DCDC2C: variants seen among roughly 807,000 people sequenced by gnomAD.
DCDC2C encodes the protein doublecortin domain-containing protein 2C.
A neutral mutation model predicts 45.0 loss-of-function variants in DCDC2C; 44 were observed. That is an observed-to-expected ratio of 0.98 (90% CI 0.77 to 1.26). The LOEUF is 1.26. Among genes scored for constraint, DCDC2C ranks in the 50% most tolerant of loss-of-function variants. The pLI, the probability that DCDC2C is intolerant of heterozygous loss-of-function variation, is 0.00. For missense variants in DCDC2C, 447 were observed against 468.9 expected (o/e 0.95, Z 0.43); for synonymous variants, 187 against 178.8 (o/e 1.05, Z -0.37).
rs1671609968 is a variant in DCDC2C, at chr2:3,818,582, A to G, written c.1066-28572A>G. On this transcript the variant is annotated intron_variant, in intron 10 of 10. Coordinates refer to ENST00000399143, the MANE Select transcript of DCDC2C (RefSeq NM_001287444.2). The surrounding 1 kb of genome is among the most constrained non-coding windows in gnomAD (Gnocchi z 4.7). ...TAAGAAGAGTTTATATAGGCTTTAA[A>G]AGGCCATGCTGTTAATAGGCGAGTG... 6.6e-6 allele frequency among the ~76,000 whole-genome samples: 1 copy of G among 152,170 alleles called. No homozygotes were observed. Among genetic ancestry groups the G allele is most frequent in the Non-Finnish European group, 1.5e-5 (1 of 68,034 alleles).
chr2:3,747,406 T>G (rs1198789612), intron 4 of DCDC2C, among the ~76,000 whole-genome samples: 1 of 152,150 alleles, frequency 6.6e-6, no homozygotes, highest in African/African-American at 2.4e-5. Context: ...CTATCCTGAT[T>G]AGGAAAGAGA....
At chr2:3,808,167 G>T (rs1671301732) in intron 10 of DCDC2C, among the ~76,000 whole-genome samples, 1 of 152,136 alleles carries the variant, frequency 6.6e-6, no homozygotes, top group Admixed American at 6.5e-5. Context: ...GGAAGTTTCA[G>T]GTGATCTGCA....
chr2:3,728,378 A>C (rs1345463356), intron 3 of DCDC2C, among the ~76,000 whole-genome samples: 1 of 152,224 alleles, frequency 6.6e-6, no homozygotes, highest in Non-Finnish European at 1.5e-5. Context: ...TGAAATAATA[A>C]GACACAGTAT....
chr2:3,713,083 C>A (rs907444403), intron 2 of DCDC2C, among the ~76,000 whole-genome samples: 2 of 152,214 alleles, frequency 1.3e-5, no homozygotes, highest in Non-Finnish European at 2.9e-5. Flanking sequence ...AGAGCTTGGA[C>A]TAAAATCAAG....
intron 10 of DCDC2C, among the ~76,000 whole-genome samples, chr2:3,788,841 C>A: frequency 8.3e-6 from 1 of 121,008 alleles, no homozygotes; most frequent in South Asian, 3.3e-4. Context: ...CCTTCCCCAA[C>A]CCTCCCTCTC....
rs577124230 is a variant in DCDC2C, at chr2:3,714,053, T to C, written c.339+5453T>C. ...TTAGCCTTAGTTTATGATACAGTAA[T>C]ACAGAGCAGAAAGACCTAGCTTCTG... is the stretch of plus-strand genomic sequence containing the variant. On this transcript the variant is annotated intron_variant, in intron 2 of 10. Coordinates refer to ENST00000399143, the MANE Select transcript of DCDC2C (RefSeq NM_001287444.2). Among the ~76,000 whole-genome samples, 3 of 152,196 alleles carry C rather than the reference T, an allele frequency of 2.0e-5. No homozygotes were observed. In the South Asian group the frequency reaches 6.2e-4, roughly 32 times the overall value.
intron 10 of DCDC2C, among the ~76,000 whole-genome samples, chr2:3,803,374 C>T (rs1009757860): frequency 2.6e-5 from 4 of 152,148 alleles, no homozygotes; most frequent in Non-Finnish European, 5.9e-5. Context: ...TCCATCTTGG[C>T]TCCAGTCCCA....
intron 2 of DCDC2C, among the ~76,000 whole-genome samples, chr2:3,724,498 C>T (rs534860674): frequency 5.9e-4 from 90 of 152,304 alleles, no homozygotes; most frequent in Middle Eastern, 6.8e-3. Context: ...AAACACAGTT[C>T]TGTTAATGAG....
intron 8 of DCDC2C, among the ~76,000 whole-genome samples, chr2:3,772,527 C>T (rs1384054453): frequency 6.6e-6 from 1 of 152,088 alleles, no homozygotes; most frequent in Non-Finnish European, 1.5e-5. Flanking sequence ...CAGAGGAGGA[C>T]AAAATGGAGC....
At position 3,734,104 on chromosome 2, in the gene DCDC2C, C is replaced by T. The variant is rs1297884641; in HGVS notation, c.416+7025C>T. ...ATTTGACTGGGCTACCGGCTGCTGTCGTAAATCCCCCATTTCCGTGGCACA... is the reference window on the plus strand; with the variant it reads ...ATTTGACTGGGCTACCGGCTGCTGTTGTAAATCCCCCATTTCCGTGGCACA... On this transcript the variant is annotated intron_variant, in intron 3 of 10. Coordinates refer to ENST00000399143, the MANE Select transcript of DCDC2C (RefSeq NM_001287444.2). This position sits in a 1 kb window ranked among gnomAD's most constrained non-coding sequence, Gnocchi z 4.2. Among the ~76,000 whole-genome samples, 2 of 152,210 alleles carry T rather than the reference C, an allele frequency of 1.3e-5. No individual in the cohort carries two copies. Among genetic ancestry groups the T allele is most frequent in the African/African-American group, 4.8e-5 (2 of 41,450 alleles).
chr2:3,752,699 TA>T, intron 4 of DCDC2C, 63 bp from the exon 5 acceptor site: 1 of 1,529,218 alleles, frequency 6.5e-7, no homozygotes, highest in Non-Finnish European at 8.9e-7. Flanking sequence ...TATGCACAAA[TA>T]CCCCAAGCCC....
intron 10 of DCDC2C, among the ~76,000 whole-genome samples, chr2:3,810,564 G>A (rs1671370104): frequency 6.6e-6 from 1 of 152,024 alleles, no homozygotes; most frequent in African/African-American, 2.4e-5. Flanking sequence ...TATTTCTTTT[G>A]CTGTGCAGAA....
At chr2:3,826,608 C>T (rs902677089) in intron 10 of DCDC2C, among the ~76,000 whole-genome samples, 5 of 152,150 alleles carry the variant, frequency 3.3e-5, no homozygotes, top group South Asian at 2.1e-4. Flanking sequence ...GATCTTGAAG[C>T]GTGCTAGCTG....
intron 4 of DCDC2C, among the ~76,000 whole-genome samples, chr2:3,747,721 CA>C (rs1427323643): frequency 1.3e-5 from 2 of 152,174 alleles, no homozygotes; most frequent in Non-Finnish European, 2.9e-5. Context: ...ATCAATTCAA[CA>C]AATATTTATT....
intron 10 of DCDC2C, among the ~76,000 whole-genome samples, chr2:3,795,231 A>C (rs1281651875): frequency 1.3e-5 from 2 of 151,778 alleles, no homozygotes; most frequent in Non-Finnish European, 2.9e-5. Context: ...TTTCTTGTAA[A>C]TTTGTTTTGA....
intron 1 of DCDC2C, among the ~76,000 whole-genome samples, chr2:3,706,902 G>T (rs1668077561): frequency 6.6e-6 from 1 of 152,216 alleles, no homozygotes; most frequent in Non-Finnish European, 1.5e-5. Flanking sequence ...CCAAGACTTG[G>T]TTTCCTCATC....
At chr2:3,813,038 CGTATATATATAT>C (rs1221100839) in intron 10 of DCDC2C, among the ~76,000 whole-genome samples, 46 of 29,972 alleles carry the variant, frequency 1.5e-3, no homozygotes, top group African/African-American at 3.4e-3. Flanking sequence ...CTGAGAAGAA[CGTATATATATAT>C]ATATATATAT....
intron 6 of DCDC2C, among the ~76,000 whole-genome samples, chr2:3,763,309 C>T (rs1669932910): frequency 1.3e-5 from 2 of 152,204 alleles, no homozygotes; most frequent in Non-Finnish European, 2.9e-5. Flanking sequence ...CTCAGAGAGA[C>T]CTGAGACCAC....
intron 9 of DCDC2C, among the ~76,000 whole-genome samples, chr2:3,779,885 C>A (rs80243061): frequency 0.017 from 2,539 of 152,220 alleles, 34 homozygotes; most frequent in Non-Finnish European, 0.026. Context: ...ACGCAGGTCA[C>A]CCCCGGCGCC....
Sources: allele counts gnomAD v4.1 joint callset (sites outside exome capture counted in the v4.1 genomes callset), GRCh38; gene constraint gnomAD v4.1.1; non-coding constraint Gnocchi (gnomAD v3.1); transcripts MANE v1.5; gene names NCBI Gene and HGNC (gene_info 2026-07-23, HGNC 2026-07-21).